The following KCNQ3 variants were observed in gnomAD, a reference collection of about 807,000 sequenced individuals.
KCNQ3 encodes potassium voltage-gated channel subfamily Q member 3, also known as potassium voltage-gated channel subfamily KQT member 3.
KCNQ3 carries 30 observed loss-of-function variants against 92.5 expected under a neutral mutation model. That is an observed-to-expected ratio of 0.32 (90% CI 0.24 to 0.44). The LOEUF (loss-of-function observed/expected upper bound fraction) is 0.44, where lower values mean the gene tolerates loss of function less well. KCNQ3 is among the 20% of genes least tolerant of loss of function. KCNQ3 has a pLI of 1.00. For synonymous variants in KCNQ3, 450 were observed against 468.8 expected, an observed-to-expected ratio of 0.96 and a Z score of 0.52; for missense variants, 913 against 1,140.3, an observed-to-expected ratio of 0.80 and a Z score of 2.87.
intron 1 of KCNQ3, among the ~76,000 whole-genome samples, chr8:132,456,216 C>T (rs1409262981): frequency 6.6e-6 from 1 of 152,166 alleles, no homozygotes; most frequent in Non-Finnish European, 1.5e-5. Flanking sequence ...TTTTCATCCA[C>T]ATTCTCTCTG....
At chr8:132,222,950 C>A (rs1814283816) in intron 1 of KCNQ3, among the ~76,000 whole-genome samples, 1 of 152,086 alleles carries the variant, frequency 6.6e-6, no homozygotes, top group Non-Finnish European at 1.5e-5. Flanking sequence ...TCCAGGGGAG[C>A]AAGAATGATT....
chr8:132,284,523 C>T (rs1816624049), intron 1 of KCNQ3, among the ~76,000 whole-genome samples: 1 of 151,770 alleles, frequency 6.6e-6, no homozygotes, highest in Admixed American at 6.6e-5. Context: ...TATGAGTGTC[C>T]CATGGAGAGG....
At chr8:132,414,119 CA>C (rs1308124257) in intron 1 of KCNQ3, among the ~76,000 whole-genome samples, 1 of 152,220 alleles carries the variant, frequency 6.6e-6, no homozygotes, top group Admixed American at 6.5e-5. Flanking sequence ...TCCTACAATA[CA>C]CGCTGTTGGG....
At chr8:132,402,878 G>A (rs150784688) in intron 1 of KCNQ3, among the ~76,000 whole-genome samples, 28 of 151,772 alleles carry the variant, frequency 1.8e-4, no homozygotes, top group African/African-American at 4.6e-4. Context: ...TAGCCGGGGC[G>A]TGGCAGTGCA....
Position 132,457,986 on chromosome 8 carries a change from C to T in KCNQ3, c.386+22161G>A, listed in dbSNP as rs1033809058. Among the ~76,000 whole-genome samples, 11 of 152,306 alleles carry T rather than the reference C, an allele frequency of 7.2e-5. No individual in the cohort carries two copies. In the East Asian group the frequency reaches 1.5e-3, roughly 21 times the overall value. ...CCCTCCATGGTCATGAGCATGTCCA[C>T]CTCCTGTCCAGACGATGAGGTCTTT... On this transcript the variant is annotated intron_variant, in intron 1 of 14. Coordinates refer to ENST00000388996, the MANE Select transcript of KCNQ3 (RefSeq NM_004519.4).
intron 1 of KCNQ3, among the ~76,000 whole-genome samples, chr8:132,448,563 G>A (rs867831199): frequency 6.7e-6 from 1 of 148,836 alleles, no homozygotes; most frequent in Non-Finnish European, 1.5e-5. Flanking sequence ...TAAAAAGGAG[G>A]AGGAGGAAGG....
At chr8:132,300,189 CAAGAT>C (rs371856854) in intron 1 of KCNQ3, among the ~76,000 whole-genome samples, 51 of 152,280 alleles carry the variant, frequency 3.3e-4, no homozygotes, top group South Asian at 6.2e-4. Context: ...AAGGACAAGA[CAAGAT>C]AAGAATGGAC....
At chr8:132,422,551 C>T (rs1234881801) in intron 1 of KCNQ3, among the ~76,000 whole-genome samples, 2 of 152,186 alleles carry the variant, frequency 1.3e-5, no homozygotes, top group Non-Finnish European at 2.9e-5. Flanking sequence ...TCCTGGAACA[C>T]GCAAGCTTTC....
At chr8:132,334,611 G>A (rs1351042978) in intron 1 of KCNQ3, among the ~76,000 whole-genome samples, 1 of 152,194 alleles carries the variant, frequency 6.6e-6, no homozygotes, top group East Asian at 1.9e-4. Context: ...GGATTTGAGT[G>A]CTTGTCTCCC....
Position 132,155,656 on chromosome 8 carries a change from G to A in KCNQ3, c.1262+7812C>T, listed in dbSNP as rs71526246. On this transcript the variant is annotated intron_variant, in intron 9 of 14. Coordinates refer to ENST00000388996, the MANE Select transcript of KCNQ3 (RefSeq NM_004519.4). ...TTAAAAGTAATCTGTAACGTGCAAC[G>A]TCTAACGTGGCAAAACAACATGGTT... Among the ~76,000 whole-genome samples, 75 of 152,268 alleles carry A rather than the reference G, an allele frequency of 4.9e-4. No homozygotes were observed. The East Asian group carries it at 0.013, about 27-fold the overall frequency.
chr8:132,392,688 C>T (rs1489411941), intron 1 of KCNQ3, among the ~76,000 whole-genome samples: 1 of 150,034 alleles, frequency 6.7e-6, no homozygotes, highest in African/African-American at 2.5e-5. Context: ...GTAATCCCAG[C>T]TACTCAGGAG....
chr8:132,238,071 T>C (rs1401587424), intron 1 of KCNQ3, among the ~76,000 whole-genome samples: 1 of 152,104 alleles, frequency 6.6e-6, no homozygotes, highest in Non-Finnish European at 1.5e-5. Flanking sequence ...GGGAGAAGTC[T>C]CTTGGGTAAC....
intron 12 of KCNQ3, among the ~76,000 whole-genome samples, chr8:132,135,734 C>T (rs1260587093): frequency 6.6e-6 from 1 of 152,092 alleles, no homozygotes; most frequent in Non-Finnish European, 1.5e-5. Flanking sequence ...GCATGTTAAG[C>T]TCAAAATTTG....
rs2436131 is a variant in KCNQ3, at chr8:132,125,019, T to A, written c.*4243A>T. ...TTCTCTTGAAATAGGTGCTGTGTCA[T>A]AGTCTGTATCATAAGCTTCTCTTGG... On this transcript the variant is annotated 3_prime_UTR_variant, in exon 15 of 15. Coordinates refer to ENST00000388996, the MANE Select transcript of KCNQ3 (RefSeq NM_004519.4). 0.41 allele frequency: 61,847 copies of A among 152,028 alleles called. 13,852 individuals are homozygous for A. The highest frequency in any genetic ancestry group is 0.51 in the Non-Finnish European group (34,775 of 67,976). The allele number at this position is 152,028 out of a possible 1,614,324, so 9.4% of individuals were successfully genotyped here. A position where few individuals can be genotyped will look rare whatever the true frequency, so the allele number is the denominator to read the frequency against.
At chr8:132,262,982 G>C (rs1815840850) in intron 1 of KCNQ3, among the ~76,000 whole-genome samples, 1 of 152,174 alleles carries the variant, frequency 6.6e-6, no homozygotes, top group South Asian at 2.1e-4. Flanking sequence ...CTGAAGCTCT[G>C]AGGAATTGAG....
At chr8:132,349,409 C>T (rs758109648) in intron 1 of KCNQ3, among the ~76,000 whole-genome samples, 13 of 152,150 alleles carry the variant, frequency 8.5e-5, no homozygotes, top group Admixed American at 4.6e-4. Context: ...TTACAGATGA[C>T]GGGGGGAAGA....
chr8:132,227,186 C>T (rs1326978599), intron 1 of KCNQ3, among the ~76,000 whole-genome samples: 1 of 151,730 alleles, frequency 6.6e-6, no homozygotes, highest in Admixed American at 6.6e-5. Flanking sequence ...GCTCAGCCTC[C>T]CAGTAGCTGG....
Position 132,128,976 on chromosome 8 carries a change from C to A in KCNQ3, c.*286G>T, listed in dbSNP as rs1033316724. 3 of 471,600 alleles carry A rather than the reference C, an allele frequency of 6.4e-6. No homozygotes were observed. The highest frequency in any genetic ancestry group is 6.9e-5 in the Admixed American group (2 of 29,166). 29.2% of individuals were successfully genotyped at this position (471,600 alleles called of 1,614,324 possible). A position where few individuals can be genotyped will look rare whatever the true frequency, so the allele number is the denominator to read the frequency against. On this transcript the variant is annotated 3_prime_UTR_variant, in exon 15 of 15. Transcript: ENST00000388996. ...TAATTTCTCCCTGTACTGGTCCAAT[C>A]GTGATTAAAAGTAAGAACAGCAGAT...
rs559610801 is a variant in KCNQ3, at chr8:132,358,732, C to T, written c.386+121415G>A. Among the ~76,000 whole-genome samples the T allele has an allele frequency of 5.3e-4, 80 of 152,230 alleles. 1 individual carries two copies. Among genetic ancestry groups the T allele is most frequent in the African/African-American group, 1.9e-3 (80 of 41,530 alleles). ...TCAGGGGGTCTTCATTTGGGGTCCA[C>T]AGACATGCTTGTGGGATGAGTATGA... On this transcript the variant is annotated intron_variant, in intron 1 of 14. Transcript: ENST00000388996.
Sources: gnomAD v4.1 joint callset for allele counts (sites outside exome capture counted in the v4.1 genomes callset) on GRCh38, gnomAD v4.1.1 for gene constraint, MANE v1.5 for transcripts, NCBI Gene and HGNC (gene_info 2026-07-23, HGNC 2026-07-21) for gene names.